Variants in GRM5 observed in about 807,000 individuals in gnomAD.
GRM5 encodes the protein metabotropic glutamate receptor 5.
In GRM5, 19 loss-of-function variants were observed where a neutral mutation model predicts 83.1. The observed-to-expected ratio is 0.23, with a 90% confidence interval of 0.16 to 0.34. The LOEUF (loss-of-function observed/expected upper bound fraction) is 0.34, where lower values mean the gene tolerates loss of function less well. Ranked by LOEUF, GRM5 falls within the 10% of genes least tolerant of loss-of-function variation. The pLI, the probability that GRM5 is intolerant of heterozygous loss-of-function variation, is 1.00. For synonymous variants in GRM5, 675 were observed against 633.6 expected, an observed-to-expected ratio of 1.07 and a Z score of -0.98; for missense variants, 1,160 against 1,588.3, an observed-to-expected ratio of 0.73 and a Z score of 4.58.
intron 7 of GRM5, among the ~76,000 whole-genome samples, chr11:88,574,789 T>G (rs1226129424): frequency 6.6e-6 from 1 of 152,094 alleles, no homozygotes; most frequent in Admixed American, 6.6e-5. Context: ...ATATTCCTCA[T>G]GCTGACTAGT....
chr11:88,714,961 C>T (rs778812685), intron 3 of GRM5, among the ~76,000 whole-genome samples: 1 of 151,872 alleles, frequency 6.6e-6, no homozygotes, highest in Non-Finnish European at 1.5e-5. Context: ...TCAAAAGGGA[C>T]ATAGAATTAT....
At chr11:88,676,596 A>G (rs982728884) in intron 3 of GRM5, among the ~76,000 whole-genome samples, 6 of 152,130 alleles carry the variant, frequency 3.9e-5, no homozygotes, top group Non-Finnish European at 8.8e-5. Context: ...TATAAAATGA[A>G]GAATAATTAC....
At chr11:88,832,783 C>T (rs954647903) in intron 3 of GRM5, among the ~76,000 whole-genome samples, 1 of 151,958 alleles carries the variant, frequency 6.6e-6, no homozygotes, top group Non-Finnish European at 1.5e-5. Context: ...ACCAACAGAA[C>T]AGAATAGAGA....
chr11:88,648,661 A>T (rs977956700), intron 4 of GRM5, among the ~76,000 whole-genome samples: 1 of 151,888 alleles, frequency 6.6e-6, no homozygotes, highest in Non-Finnish European at 1.5e-5. Context: ...AATAAAAAAA[A>T]AAAAAGATTT....
intron 8 of GRM5, among the ~76,000 whole-genome samples, chr11:88,546,487 C>T (rs1942387820): frequency 6.6e-6 from 1 of 151,956 alleles, no homozygotes; most frequent in Non-Finnish European, 1.5e-5. Context: ...ATGACTTTTG[C>T]TTTGCTTTAT....
At chr11:88,829,855 CA>C (rs1256124990) in intron 3 of GRM5, among the ~76,000 whole-genome samples, 1 of 151,686 alleles carries the variant, frequency 6.6e-6, no homozygotes, top group Admixed American at 6.6e-5. Context: ...TATGTACAAG[CA>C]AAAAACGGCA....
At chr11:88,653,464 T>C in intron 3 of GRM5, 61 bp from the exon 4 acceptor site, 1 of 1,115,288 alleles carries the variant, frequency 9.0e-7, no homozygotes. Flanking sequence ...AATGAGTCCA[T>C]TTGCTTTCCT....
chr11:88,728,014 A>C (rs982995037), intron 3 of GRM5, among the ~76,000 whole-genome samples: 6 of 152,190 alleles, frequency 3.9e-5, no homozygotes, highest in Non-Finnish European at 5.9e-5. Flanking sequence ...GAAGACAAGA[A>C]ATAACTTAGA....
chr11:88,920,273 A>T (rs1945665355), intron 2 of GRM5, among the ~76,000 whole-genome samples: 1 of 151,986 alleles, frequency 6.6e-6, no homozygotes, highest in African/African-American at 2.4e-5. Flanking sequence ...ACTATATGCC[A>T]ATAAATTGGA....
chr11:88,524,310 T>A (rs1285694790), intron 9 of GRM5, among the ~76,000 whole-genome samples: 1 of 148,658 alleles, frequency 6.7e-6, no homozygotes, highest in Non-Finnish European at 1.5e-5. Context: ...CTCTGCCTCC[T>A]GGGTTCAAGC....
At chr11:88,645,009 T>C (rs537777073) in intron 4 of GRM5, among the ~76,000 whole-genome samples, 1 of 152,094 alleles carries the variant, frequency 6.6e-6, no homozygotes, top group African/African-American at 2.4e-5. Flanking sequence ...TGTAAAGAAG[T>C]TCAAAAACCA....
chr11:88,717,878 G>T (rs1027148004), intron 3 of GRM5, among the ~76,000 whole-genome samples: 1 of 151,718 alleles, frequency 6.6e-6, no homozygotes, highest in Non-Finnish European at 1.5e-5. Flanking sequence ...TTTATAGTTA[G>T]AAGGATAATT....
At chr11:88,587,917 T>A (rs1422713181) in intron 7 of GRM5, among the ~76,000 whole-genome samples, 1 of 152,200 alleles carries the variant, frequency 6.6e-6, no homozygotes, top group Admixed American at 6.5e-5. Flanking sequence ...TATGTAAAAC[T>A]TATCTTTAAT....
rs142416275 is a variant in GRM5, at chr11:88,578,717, C to T, written c.1691-10725G>A. On this transcript the variant is annotated intron_variant, in intron 7 of 9. Transcript: ENST00000305447. ...AAGAAAATTATTAAAAGTTAATGAA[C>T]GTTGAGAAATTGGAAGAGTAAGAAG... is the stretch of plus-strand genomic sequence containing the variant. Among the ~76,000 whole-genome samples, 1,127 of 152,008 alleles carry T rather than the reference C, an allele frequency of 7.4e-3. 11 individuals are homozygous for T. Among genetic ancestry groups the T allele is most frequent in the African/African-American group, 0.026 (1,084 of 41,492 alleles).
intron 2 of GRM5, among the ~76,000 whole-genome samples, chr11:88,970,617 T>A (rs761658473): frequency 1.3e-5 from 2 of 152,194 alleles, no homozygotes; most frequent in Non-Finnish European, 2.9e-5. Flanking sequence ...AAGCTTTGGG[T>A]AGGCATGCCC....
At chr11:88,789,916 G>A (rs75812723) in intron 3 of GRM5, among the ~76,000 whole-genome samples, 12,222 of 151,928 alleles carry the variant, frequency 0.08, 879 homozygotes, top group African/African-American at 0.2. Context: ...GGGCAGTGGC[G>A]CAATCTTAGC....
chr11:88,574,411 C>G (rs185741589), intron 7 of GRM5, among the ~76,000 whole-genome samples: 1 of 152,072 alleles, frequency 6.6e-6, no homozygotes, highest in African/African-American at 2.4e-5. Context: ...CCAAAGAGGG[C>G]AAAACTAGAT....
At chr11:88,954,819 C>T (rs959513097) in intron 2 of GRM5, among the ~76,000 whole-genome samples, 1 of 152,110 alleles carries the variant, frequency 6.6e-6, no homozygotes, top group Non-Finnish European at 1.5e-5. Flanking sequence ...GTTAATTGTT[C>T]TAACCTTAAA....
chr11:88,914,941 C>T (rs546426492), intron 2 of GRM5, among the ~76,000 whole-genome samples: 3 of 152,154 alleles, frequency 2.0e-5, no homozygotes, highest in Admixed American at 2.0e-4. Context: ...GGATTATCAT[C>T]TTCAATTTGC....
Sources: gnomAD v4.1 joint callset for allele counts (sites outside exome capture counted in the v4.1 genomes callset) on GRCh38, gnomAD v4.1.1 for gene constraint, MANE v1.5 for transcripts, NCBI Gene and HGNC (gene_info 2026-07-23, HGNC 2026-07-21) for gene names.